The following IRAK2 variants were observed in gnomAD, a reference collection of about 807,000 sequenced individuals.
The protein encoded by IRAK2 is interleukin-1 receptor-associated kinase-like 2.
A neutral mutation model predicts 72.0 loss-of-function variants in IRAK2; 57 were observed. That is an observed-to-expected ratio of 0.79 (90% confidence interval 0.64 to 0.99). IRAK2 has a LOEUF of 0.99. Ranked by LOEUF, IRAK2 falls within the 50% of genes least tolerant of loss-of-function variation. IRAK2 has a pLI of 0.00. For missense variants in IRAK2, 790 were observed against 794.4 expected, an observed-to-expected ratio of 0.99 and a Z score of 0.07; for synonymous variants, 293 against 312.7, an observed-to-expected ratio of 0.94 and a Z score of 0.67.
Position 10,209,588 on chromosome 3 carries a change from G to C in IRAK2, c.425-1G>C, listed in dbSNP as rs140330791. 2.3e-5 allele frequency: 35 copies of C among 1,544,428 alleles called. 1 individual carries two copies. The African/African-American group carries it at 5.0e-4, about 22-fold the overall frequency. ...CCTGACCCATAGTCCCTCCTTTCCA[G>C]GGTCCTCTCCAGCCAGAGCCCACCA... On this transcript the variant is annotated splice_acceptor_variant, in intron 3 of 12. Coordinates refer to ENST00000256458, the MANE Select transcript of IRAK2 (RefSeq NM_001570.4). LOFTEE classifies it high-confidence loss of function.
chr3:10,201,274 T>C (rs1156950389), intron 3 of IRAK2, among the ~76,000 whole-genome samples: 2 of 152,228 alleles, frequency 1.3e-5, no homozygotes, highest in Non-Finnish European at 2.9e-5. Flanking sequence ...GCTGAGGTCA[T>C]GTACTGCCGG....
chr3:10,234,385 G>A (rs1697915056), intron 10 of IRAK2, 74 bp from the exon 11 acceptor site: 10 of 1,263,818 alleles, frequency 7.9e-6, no homozygotes, highest in Non-Finnish European at 1.2e-5. Flanking sequence ...AGCTCTGGAG[G>A]TGAGTGGGGC....
chr3:10,174,552 TCTCA>T, intron 1 of IRAK2, among the ~76,000 whole-genome samples: 1 of 152,150 alleles, frequency 6.6e-6, no homozygotes, highest in Admixed American at 6.6e-5. Flanking sequence ...TGAGATGGAG[TCTCA>T]CTCTGTTGCC....
At chr3:10,190,496 C>A (rs541022227) in intron 2 of IRAK2, among the ~76,000 whole-genome samples, 1 of 151,982 alleles carries the variant, frequency 6.6e-6, no homozygotes, top group South Asian at 2.1e-4. Context: ...GGTCACTTGA[C>A]CTTTTCCTTC....
intron 12 of IRAK2, among the ~76,000 whole-genome samples, chr3:10,241,034 A>G (rs186890218): frequency 6.6e-6 from 1 of 151,830 alleles, no homozygotes; most frequent in African/African-American, 2.4e-5. Flanking sequence ...CCTCAACATC[A>G]TAAATAGGAA....
At position 10,243,683 on chromosome 3, in the gene IRAK2, T is replaced by C. The variant is rs1178780328; in HGVS notation, c.*1455T>C. ...TATTTTAAATTCACTGGGAGAAATA[T>C]CCTATTTAAAGTAATCTATAGTAAT... is the stretch of plus-strand genomic sequence containing the variant. On this transcript the variant is annotated 3_prime_UTR_variant, in exon 13 of 13. Coordinates refer to ENST00000256458, the MANE Select transcript of IRAK2 (RefSeq NM_001570.4). 6.6e-6 allele frequency: 1 copy of C among 151,802 alleles called. No homozygotes were observed. The highest frequency in any genetic ancestry group is 1.5e-5 in the Non-Finnish European group (1 of 68,054). 9.4% of individuals were successfully genotyped at this position (151,802 alleles called of 1,614,324 possible).
At chr3:10,184,793 G>C (rs1325214816) in intron 2 of IRAK2, among the ~76,000 whole-genome samples, 2 of 142,792 alleles carry the variant, frequency 1.4e-5, no homozygotes, top group African/African-American at 2.7e-5. Flanking sequence ...GCAGTGGCGC[G>C]ATCTCGGCTC....
At chr3:10,226,330 G>A (rs377624530) in intron 9 of IRAK2, 41 bp from the exon 10 acceptor site, 2 of 1,546,684 alleles carry the variant, frequency 1.3e-6, no homozygotes, top group Non-Finnish European at 1.8e-6. Flanking sequence ...CTGTGTGCAC[G>A]AGCGTCTGAA....
At chr3:10,204,348 C>G (rs1697406433) in intron 3 of IRAK2, among the ~76,000 whole-genome samples, 1 of 152,156 alleles carries the variant, frequency 6.6e-6, no homozygotes, top group South Asian at 2.1e-4. Context: ...GGGGGTAGAC[C>G]CGCTGCCAGC....
At chr3:10,241,486 G>C in intron 12 of IRAK2, among the ~76,000 whole-genome samples, 1 of 150,946 alleles carries the variant, frequency 6.6e-6, no homozygotes, top group Non-Finnish European at 1.5e-5. Context: ...TTGAACCCAG[G>C]AGGCAGAGGT....
Position 10,219,801 on chromosome 3 carries a change from G to A in IRAK2, c.1013+12G>A. ...AGCAACGTCAAGAGGTGAGAGAGGTGGGCTGGACCCTGCTGGGGCCTGGGC... is the reference window on the plus strand; with the variant it reads ...AGCAACGTCAAGAGGTGAGAGAGGTAGGCTGGACCCTGCTGGGGCCTGGGC... On this transcript the variant is annotated intron_variant, in intron 8 of 12. Transcript: ENST00000256458. 1 of 1,591,694 alleles carries A rather than the reference G, an allele frequency of 6.3e-7. No individual in the cohort carries two copies. Among genetic ancestry groups the A allele is most frequent in the Non-Finnish European group, 8.6e-7 (1 of 1,159,816 alleles).
At chr3:10,169,567 A>G (rs1160842304) in intron 1 of IRAK2, among the ~76,000 whole-genome samples, 1 of 152,180 alleles carries the variant, frequency 6.6e-6, no homozygotes, top group Non-Finnish European at 1.5e-5. Context: ...ATATGGCTCT[A>G]TTCTGCCCGA....
intron 12 of IRAK2, among the ~76,000 whole-genome samples, chr3:10,240,585 GT>G (rs1328808624): frequency 2.1e-5 from 2 of 93,764 alleles, no homozygotes; most frequent in Non-Finnish European, 3.8e-5. Context: ...TTGAGACAGT[GT>G]TTCACTCTTG....
intron 3 of IRAK2, among the ~76,000 whole-genome samples, chr3:10,202,667 C>A (rs1421876723): frequency 6.7e-6 from 1 of 149,302 alleles, no homozygotes; most frequent in African/African-American, 2.5e-5. Context: ...TCTCTGTCAG[C>A]CTTTGCTGTT....
intron 2 of IRAK2, among the ~76,000 whole-genome samples, chr3:10,195,305 C>A (rs1697245818): frequency 6.6e-6 from 1 of 152,098 alleles, no homozygotes; most frequent in Non-Finnish European, 1.5e-5. Context: ...GCCTGTAATC[C>A]CAGCACTTTG....
At chr3:10,196,481 C>A (rs984004612) in intron 2 of IRAK2, among the ~76,000 whole-genome samples, 1 of 152,232 alleles carries the variant, frequency 6.6e-6, no homozygotes, top group African/African-American at 2.4e-5. Context: ...AGACAGTGAT[C>A]CTGTGATTCC....
rs766060948 is a variant in IRAK2 at position 10,219,662 on chromosome 3, T to G, written c.904-18T>G. The G allele has an allele frequency of 3.8e-6, 6 of 1,592,874 alleles. No homozygotes were observed. The East Asian group carries it at 1.3e-4, about 36-fold the overall frequency. The stretch of plus-strand genomic sequence containing the variant: ...GGTACATTGTGACTATTTGTCCTCC[T>G]GCTTTTCTTTCTCTTAGGGTGGCTC... On this transcript the variant is annotated intron_variant, in intron 7 of 12. Coordinates refer to ENST00000256458, the MANE Select transcript of IRAK2 (RefSeq NM_001570.4).
chr3:10,190,737 T>C (rs186911543), intron 2 of IRAK2, among the ~76,000 whole-genome samples: 1 of 152,306 alleles, frequency 6.6e-6, no homozygotes, highest in African/African-American at 2.4e-5. Flanking sequence ...CATACTCAGA[T>C]GATGCATTAG....
At chr3:10,194,550 C>A (rs1031562064) in intron 2 of IRAK2, among the ~76,000 whole-genome samples, 1 of 152,174 alleles carries the variant, frequency 6.6e-6, no homozygotes, top group Non-Finnish European at 1.5e-5. Flanking sequence ...CCTCATCCTG[C>A]CTTTGGTGTT....
Sources: allele counts gnomAD v4.1 joint callset (sites outside exome capture counted in the v4.1 genomes callset), GRCh38; gene constraint gnomAD v4.1.1; transcripts MANE v1.5; gene names NCBI Gene and HGNC (gene_info 2026-07-23, HGNC 2026-07-21).